Variants in HERC3 observed in about 807,000 individuals in gnomAD.
The protein encoded by HERC3 is probable E3 ubiquitin-protein ligase HERC3.
In HERC3, 58 loss-of-function variants were observed where a neutral mutation model predicts 129.9. The ratio of observed to expected loss-of-function variants is 0.45; its 90% CI spans 0.36 to 0.56. The LOEUF is 0.56. Ranked by LOEUF, HERC3 falls within the 20% of genes least tolerant of loss-of-function variation. The pLI, the probability that HERC3 is intolerant of heterozygous loss-of-function variation, is 0.00. For missense variants in HERC3, 835 were observed against 1,244.2 expected, an observed-to-expected ratio of 0.67 and a Z score of 4.95; for synonymous variants, 430 against 451.0, an observed-to-expected ratio of 0.95 and a Z score of 0.59.
the HERC3 span, among the ~76,000 whole-genome samples, chr4:88,538,965 A>C: frequency 6.6e-6 from 1 of 152,296 alleles, no homozygotes; most frequent in South Asian, 2.1e-4. Flanking sequence ...AAGATGGCCA[A>C]ATAGGAACAG....
At chr4:88,674,854 A>G (rs1731993755) in intron 16 of HERC3, among the ~76,000 whole-genome samples, 1 of 152,164 alleles carries the variant, frequency 6.6e-6, no homozygotes, top group Non-Finnish European at 1.5e-5. Context: ...GAAATGTGCC[A>G]AGATCCCTGG....
Position 88,652,897 on chromosome 4 carries a change from C to T in HERC3, c.492C>T (p.Asn164=). Residue 164 remains asparagine, a synonymous_variant, in exon 6 of 26, where the codon AAC becomes AAT. Transcript: ENST00000402738. ...GCCAGTTCTTCACCTGGGGAAAGAA[C>T]AGCCATGGGCAGCTTGGCTTAGGGA... The part of the protein sequence containing the change: ...ADGQFFTWGK[N]SHGQLGLGKE... 1 of 1,611,806 alleles carries T rather than the reference C, an allele frequency of 6.2e-7. No individual in the cohort carries two copies. Among genetic ancestry groups the T allele is most frequent in the Non-Finnish European group, 8.5e-7 (1 of 1,178,592 alleles).
intron 23 of HERC3, among the ~76,000 whole-genome samples, chr4:88,688,256 T>C (rs936009184): frequency 1.3e-5 from 2 of 152,068 alleles, no homozygotes; most frequent in Non-Finnish European, 2.9e-5. Flanking sequence ...ACTTGTGGAG[T>C]GGGTACTGGT....
At chr4:88,554,525 A>G in the HERC3 span, among the ~76,000 whole-genome samples, 1 of 152,206 alleles carries the variant, frequency 6.6e-6, no homozygotes, top group East Asian at 1.9e-4. Flanking sequence ...ACTGCTATTT[A>G]GTCTTTGTGA....
At chr4:88,640,982 T>G (rs760743398) in intron 3 of HERC3, among the ~76,000 whole-genome samples, 1 of 152,210 alleles carries the variant, frequency 6.6e-6, no homozygotes, top group Non-Finnish European at 1.5e-5. Context: ...TTATCGAACA[T>G]TCTATCCAAC....
At chr4:88,619,778 T>C (rs1033689509) in intron 3 of HERC3, among the ~76,000 whole-genome samples, 2 of 152,202 alleles carry the variant, frequency 1.3e-5, no homozygotes, top group Non-Finnish European at 2.9e-5. Context: ...TAAGCAATCC[T>C]GTAATAAAAT....
At chr4:88,654,468 A>T (rs1210476372) in intron 7 of HERC3, among the ~76,000 whole-genome samples, 1 of 144,100 alleles carries the variant, frequency 6.9e-6, no homozygotes. Flanking sequence ...TATATATATA[A>T]ATATAATGTA....
At chr4:88,690,167 G>T (rs1159545243) in intron 23 of HERC3, 20 of 985,024 alleles carry the variant, frequency 2.0e-5, no homozygotes, top group African/African-American at 7.0e-5. Context: ...AATCTCTTGG[G>T]GCTAAAAGCA....
intron 3 of HERC3, among the ~76,000 whole-genome samples, chr4:88,611,318 G>C (rs956561661): frequency 6.6e-6 from 1 of 152,190 alleles, no homozygotes; most frequent in Admixed American, 6.5e-5. Context: ...CTTGTTTTCT[G>C]TGTTTGCTTA....
chr4:88,550,752 AAT>A, the HERC3 span, among the ~76,000 whole-genome samples: 1 of 149,510 alleles, frequency 6.7e-6, no homozygotes, highest in Non-Finnish European at 1.5e-5. Context: ...TCAAGCTACC[AAT>A]GACTTTCTTC....
At chr4:88,582,502 G>C in the HERC3 span, among the ~76,000 whole-genome samples, 1 of 152,128 alleles carries the variant, frequency 6.6e-6, no homozygotes, top group Non-Finnish European at 1.5e-5. Flanking sequence ...AATGTGCAGG[G>C]ATAAGTTTTC....
chr4:88,550,064 C>G, the HERC3 span, among the ~76,000 whole-genome samples: 1 of 152,276 alleles, frequency 6.6e-6, no homozygotes, highest in East Asian at 1.9e-4. Flanking sequence ...TAGGCGACAT[C>G]TGGGAAGATT....
In HERC3 at chr4:88,613,032, A is replaced by G. The variant is rs1010826483; in HGVS notation, c.226+6983A>G. On this transcript the variant is annotated intron_variant, in intron 3 of 25. Coordinates refer to ENST00000402738, the MANE Select transcript of HERC3 (RefSeq NM_014606.3). ...CTAAATGAATAGTTCTCCTTTCCTC[A>G]TACATACTCTGATTTCTAATATTGG... Among the ~76,000 whole-genome samples the G allele has an allele frequency of 7.9e-5, 12 of 152,248 alleles. No homozygotes were observed. In the East Asian group the frequency reaches 2.3e-3, roughly 29 times the overall value.
chr4:88,599,657 A>G (rs1359985085), intron 2 of HERC3, among the ~76,000 whole-genome samples: 1 of 152,220 alleles, frequency 6.6e-6, no homozygotes, highest in African/African-American at 2.4e-5. Context: ...AATGAGAATT[A>G]GAAATCCTAA....
In HERC3 at chr4:88,652,985, C is replaced by T. The variant is rs1007798402; in HGVS notation, c.580C>T (p.Gln194Ter). The T allele has an allele frequency of 2.0e-5, 33 of 1,614,210 alleles. No individual in the cohort carries two copies. The highest frequency in any genetic ancestry group is 2.7e-5 in the Non-Finnish European group (32 of 1,180,024). Reference protein sequence around the residue: ...VRSLEGIPLAQVAAGGAHSFA... With the variant: ...VRSLEGIPLA The stretch of plus-strand genomic sequence containing the variant: ...GTCCCTGGAGGGGATCCCACTGGCT[C>T]AGGTGGCTGCCGGAGGGGCTCACAG... The change falls in exon 6 of 26, where the codon CAG becomes TAG. Residue 194 changes from glutamine (Q) to a stop codon, truncating the protein, a stop_gained. Transcript: ENST00000402738. LOFTEE classifies it high-confidence loss of function.
intron 3 of HERC3, among the ~76,000 whole-genome samples, chr4:88,638,567 A>G (rs1343052598): frequency 6.6e-6 from 1 of 152,178 alleles, no homozygotes; most frequent in Non-Finnish European, 1.5e-5. Flanking sequence ...CTCTCAATAA[A>G]CTAGGTATTG....
chr4:88,579,232 A>AAAAAAATATATATATATATATATATATAT, the HERC3 span, among the ~76,000 whole-genome samples: 1 of 104,092 alleles, frequency 9.6e-6, no homozygotes, highest in African/African-American at 6.1e-5. Context: ...AAAAAAAAAA[A>AAAAAAATATATATATATATATATATATAT]ATATATATAT....
intron 3 of HERC3, among the ~76,000 whole-genome samples, chr4:88,620,849 A>C (rs535538188): frequency 6.6e-6 from 1 of 152,146 alleles, no homozygotes; most frequent in East Asian, 1.9e-4. Flanking sequence ...TATATGCCTG[A>C]TGCTTTTATT....
the HERC3 span, among the ~76,000 whole-genome samples, chr4:88,545,430 C>CCTTTTTTTTTT: frequency 2.7e-4 from 30 of 110,394 alleles, 2 homozygotes; most frequent in East Asian, 3.8e-3. Context: ...TTTGAGAATT[C>CCTTTTTTTTTT]TTTTTTTTTT....
Sources: gnomAD v4.1 joint callset for allele counts (sites outside exome capture counted in the v4.1 genomes callset) on GRCh38, gnomAD v4.1.1 for gene constraint, MANE v1.5 for transcripts, NCBI Gene and HGNC (gene_info 2026-07-23, HGNC 2026-07-21) for gene names.